The following PRSS23 variants were observed in gnomAD, a reference collection of about 807,000 sequenced individuals.
PRSS23 encodes protease, serine 23.
PRSS23 carries 25 observed loss-of-function variants against 34.7 expected under a neutral mutation model. That is an observed-to-expected ratio of 0.72 (90% CI 0.53 to 1.01). The LOEUF (loss-of-function observed/expected upper bound fraction) is 1.01. Ranked by LOEUF, PRSS23 falls within the 50% of genes least tolerant of loss-of-function variation. The pLI, the probability that PRSS23 is intolerant of heterozygous loss-of-function variation, is 0.00. For synonymous variants in PRSS23, 176 were observed against 186.6 expected, an observed-to-expected ratio of 0.94 and a Z score of 0.46; for missense variants, 445 against 475.6, an observed-to-expected ratio of 0.94 and a Z score of 0.60.
At chr11:86,938,138 A>G (rs2135023071) in intron 2 of PRSS23, among the ~76,000 whole-genome samples, 1 of 152,328 alleles carries the variant, frequency 6.6e-6, no homozygotes, top group South Asian at 2.1e-4. Flanking sequence ...TGCTGCCAGG[A>G]TGTCAGTGAA....
intron 2 of PRSS23, among the ~76,000 whole-genome samples, chr11:86,927,802 G>T (rs1019855202): frequency 6.6e-6 from 1 of 152,110 alleles, no homozygotes; most frequent in Non-Finnish European, 1.5e-5. Flanking sequence ...ATCACTTGAG[G>T]TCAGGAGTTT....
chr11:86,886,976 A>G (rs1336917243), intron 2 of PRSS23, among the ~76,000 whole-genome samples: 3 of 152,176 alleles, frequency 2.0e-5, no homozygotes, highest in Non-Finnish European at 4.4e-5. Flanking sequence ...GGACTTTCCC[A>G]AGACCTAACA....
intron 2 of PRSS23, among the ~76,000 whole-genome samples, chr11:86,862,256 T>C (rs1042894311): frequency 6.6e-6 from 1 of 151,998 alleles, no homozygotes; most frequent in African/African-American, 2.4e-5. Context: ...GTGATATTAT[T>C]TGTAATATCC....
intron 2 of PRSS23, among the ~76,000 whole-genome samples, chr11:86,944,611 CAGG>C (rs1205086925): frequency 6.6e-6 from 1 of 152,066 alleles, no homozygotes. Flanking sequence ...TCAGAAATGC[CAGG>C]AGAATAAAAT....
At chr11:86,820,343 A>G (rs950368012) in intron 1 of PRSS23, among the ~76,000 whole-genome samples, 6 of 152,240 alleles carry the variant, frequency 3.9e-5, no homozygotes, top group Admixed American at 2.0e-4. Flanking sequence ...TAATACAAAT[A>G]TAAATAAGTA....
chr11:86,794,235 A>T (rs1049367715), intron 1 of PRSS23, among the ~76,000 whole-genome samples: 3 of 152,208 alleles, frequency 2.0e-5, no homozygotes, highest in Non-Finnish European at 4.4e-5. Context: ...TCCAATATAA[A>T]ATCTTCATTT....
At chr11:86,890,622 C>G (rs916935737) in intron 2 of PRSS23, among the ~76,000 whole-genome samples, 3 of 152,134 alleles carry the variant, frequency 2.0e-5, no homozygotes, top group Non-Finnish European at 4.4e-5. Context: ...TGGCCTGAAC[C>G]ATGGAAGTGA....
intron 2 of PRSS23, among the ~76,000 whole-genome samples, chr11:86,841,219 A>G (rs979514325): frequency 6.6e-6 from 1 of 151,918 alleles, no homozygotes; most frequent in African/African-American, 2.4e-5. Flanking sequence ...CATGCCTGCA[A>G]TCCCAGCTAC....
Position 86,883,870 on chromosome 11 carries a change from T to G in PRSS23, c.206+60277T>G, listed in dbSNP as rs112238569. On this transcript the variant is annotated intron_variant, in intron 2 of 2. Coordinates refer to the PRSS23 transcript ENST00000533902. ...AGGAGTGTGTTGTTTGATTTCTACA[T>G]ATTTATGAATTGTAAGCATTAGTAT... 3.0e-3 allele frequency among the ~76,000 whole-genome samples: 454 copies of G among 152,346 alleles called. 8 individuals are homozygous for G. Among genetic ancestry groups the G allele is most frequent in the African/African-American group, 8.3e-3 (345 of 41,580 alleles).
intron 2 of PRSS23, among the ~76,000 whole-genome samples, chr11:86,862,460 G>A (rs12420346): frequency 0.13 from 19,305 of 151,934 alleles, 1,442 homozygotes; most frequent in East Asian, 0.19. Context: ...ACCCTAGGAG[G>A]ATGTTACTCC....
At chr11:86,918,427 GTCT>G (rs1160749337) in intron 2 of PRSS23, among the ~76,000 whole-genome samples, 2 of 152,174 alleles carry the variant, frequency 1.3e-5, no homozygotes, top group Non-Finnish European at 2.9e-5. Flanking sequence ...AAAGAAAGAA[GTCT>G]TCTCCCAGAT....
At chr11:86,820,081 C>T (rs1020317125) in intron 1 of PRSS23, among the ~76,000 whole-genome samples, 12 of 152,126 alleles carry the variant, frequency 7.9e-5, no homozygotes, top group African/African-American at 2.7e-4. Context: ...TAATCTCCCA[C>T]GTGCATGTAA....
At chr11:86,864,571 C>T (rs1302627598) in intron 2 of PRSS23, among the ~76,000 whole-genome samples, 1 of 152,232 alleles carries the variant, frequency 6.6e-6, no homozygotes, top group African/African-American at 2.4e-5. Context: ...TTTAAGGACA[C>T]CTCTCATCAT....
intron 2 of PRSS23, among the ~76,000 whole-genome samples, chr11:86,931,064 G>A (rs1949122591): frequency 6.6e-6 from 1 of 152,182 alleles, no homozygotes; most frequent in South Asian, 2.1e-4. Flanking sequence ...ATGGGATCAA[G>A]GTTATGTTTT....
At chr11:86,869,039 C>T (rs1590903644) in intron 2 of PRSS23, among the ~76,000 whole-genome samples, 2 of 152,100 alleles carry the variant, frequency 1.3e-5, no homozygotes, top group Non-Finnish European at 1.5e-5. Context: ...TCTAAAAGTC[C>T]TGGAGTCAAG....
Position 86,951,186 on chromosome 11 carries a change from T to C in PRSS23, c.207-30T>C, listed in dbSNP as rs148448468. On this transcript the variant is annotated intron_variant, in intron 2 of 2. Coordinates refer to the PRSS23 transcript ENST00000533902. ...CCTTTTCCAGGCTTCACCCAACCAT[T>C]TCCTCTCTTCTCTCTCTTTACCTTT... 7 of 1,613,856 alleles carry C rather than the reference T, an allele frequency of 4.3e-6. No homozygotes were observed. The African/African-American group carries it at 8.0e-5, about 18-fold the overall frequency.
intron 2 of PRSS23, among the ~76,000 whole-genome samples, chr11:86,856,085 T>C: frequency 6.6e-6 from 1 of 152,200 alleles, no homozygotes; most frequent in South Asian, 2.1e-4. Context: ...CCATTTTATG[T>C]ATGTACAAGT....
intron 2 of PRSS23, among the ~76,000 whole-genome samples, chr11:86,868,875 G>A (rs1038301150): frequency 6.6e-6 from 1 of 152,146 alleles, no homozygotes; most frequent in Non-Finnish European, 1.5e-5. Flanking sequence ...GCAGTAGTGC[G>A]ATCACGGCTC....
At position 86,838,026 on chromosome 11, in the gene PRSS23, T is replaced by C. The variant is rs186716739; in HGVS notation, c.206+14433T>C. The stretch of plus-strand genomic sequence containing the variant: ...AAGGGGTCAGCAGATTTCCCTTTCC[T>C]AGCCAAGGGAAGCCGTGACAGACTG... On this transcript the variant is annotated intron_variant, in intron 2 of 2. Transcript: ENST00000533902. 1.5e-3 allele frequency among the ~76,000 whole-genome samples: 228 copies of C among 151,316 alleles called. 2 individuals carry two copies. The highest frequency in any genetic ancestry group is 5.4e-3 in the African/African-American group (223 of 41,210).
Sources: gnomAD v4.1 joint callset for allele counts (sites outside exome capture counted in the v4.1 genomes callset) on GRCh38, gnomAD v4.1.1 for gene constraint, MANE v1.5 for transcripts, NCBI Gene and HGNC (gene_info 2026-07-23, HGNC 2026-07-21) for gene names.